Variants in IGFBP7 observed in about 807,000 individuals in gnomAD.
The protein encoded by IGFBP7 is insulin like growth factor binding protein 7.
IGFBP7 carries 31 observed loss-of-function variants against 29.4 expected under a neutral mutation model. The ratio of observed to expected loss-of-function variants is 1.05; its 90% CI spans 0.79 to 1.42. IGFBP7 has a LOEUF of 1.42. Ranked by LOEUF, IGFBP7 falls within the 40% of genes most tolerant of loss-of-function variation. The pLI, the probability that IGFBP7 is intolerant of heterozygous loss-of-function variation, is 0.00. For synonymous variants in IGFBP7, 172 were observed against 174.9 expected, an observed-to-expected ratio of 0.98 and a Z score of 0.13; for missense variants, 393 against 395.5, an observed-to-expected ratio of 0.99 and a Z score of 0.05.
intron 2 of IGFBP7, among the ~76,000 whole-genome samples, chr4:57,037,756 G>T: frequency 6.6e-6 from 1 of 152,134 alleles, no homozygotes; most frequent in Non-Finnish European, 1.5e-5. Context: ...GCCCCAGGAC[G>T]CTTGGGTGAC....
At chr4:57,096,486 C>T (rs1725767111) in intron 1 of IGFBP7, among the ~76,000 whole-genome samples, 1 of 151,982 alleles carries the variant, frequency 6.6e-6, no homozygotes. Flanking sequence ...AGGTCACATC[C>T]AAACCAATTA....
intron 1 of IGFBP7, among the ~76,000 whole-genome samples, chr4:57,098,132 G>A (rs1242644619): frequency 1.3e-5 from 2 of 152,168 alleles, no homozygotes; most frequent in Non-Finnish European, 2.9e-5. Context: ...GCCTTTCAGA[G>A]GTGGCATACC....
intron 1 of IGFBP7, 33 bp from the exon 2 acceptor site, chr4:57,040,966 T>C: frequency 7.3e-7 from 1 of 1,370,616 alleles, no homozygotes; most frequent in South Asian, 1.2e-5. Flanking sequence ...AAAGTCATCT[T>C]TTAAACAGTC....
chr4:57,089,999 A>G (rs1326173002), intron 1 of IGFBP7, among the ~76,000 whole-genome samples: 1 of 152,252 alleles, frequency 6.6e-6, no homozygotes, highest in Non-Finnish European at 1.5e-5. Flanking sequence ...GGTCCTTGAC[A>G]GCACTGCTGA....
At chr4:57,031,793 T>A (rs1723939046) in intron 4 of IGFBP7, among the ~76,000 whole-genome samples, 1 of 152,354 alleles carries the variant, frequency 6.6e-6, no homozygotes, top group East Asian at 1.9e-4. Context: ...TTACTTAATA[T>A]TTCTTTTCAT....
At chr4:57,036,366 C>T (rs2109738101) in intron 2 of IGFBP7, among the ~76,000 whole-genome samples, 1 of 152,242 alleles carries the variant, frequency 6.6e-6, no homozygotes, top group Non-Finnish European at 1.5e-5. Context: ...CTGCTTATTA[C>T]TATTACCTTA....
At chr4:57,055,707 G>A (rs1188286148) in intron 1 of IGFBP7, among the ~76,000 whole-genome samples, 2 of 152,028 alleles carry the variant, frequency 1.3e-5, no homozygotes, top group African/African-American at 4.8e-5. Context: ...CCTGCACCCT[G>A]TCCCTCTTCT....
At position 57,041,497 on chromosome 4, in the gene IGFBP7, G is replaced by A. The variant is rs373949012; in HGVS notation, c.476-564C>T. On this transcript the variant is annotated intron_variant, in intron 1 of 4. Transcript: ENST00000295666. ...AAGAAACATGTGGAGTGCTGTGTGC[G>A]TCAGGGGATTGGAAGGGACATCTTT... Among the ~76,000 whole-genome samples the A allele has an allele frequency of 1.4e-3, 218 of 152,230 alleles. 1 individual carries two copies. Among genetic ancestry groups the A allele is most frequent in the African/African-American group, 4.8e-3 (200 of 41,546 alleles).
At chr4:57,093,064 T>C (rs1335586106) in intron 1 of IGFBP7, among the ~76,000 whole-genome samples, 1 of 152,192 alleles carries the variant, frequency 6.6e-6, no homozygotes, top group East Asian at 1.9e-4. Context: ...TTGATTTCAA[T>C]GAATTCTACA....
At chr4:57,073,470 C>T (rs765491838) in intron 1 of IGFBP7, among the ~76,000 whole-genome samples, 34 of 151,878 alleles carry the variant, frequency 2.2e-4, no homozygotes, top group Non-Finnish European at 4.6e-4. Context: ...TGGTGTGTGC[C>T]TGTAGTTCCA....
Position 57,033,818 on chromosome 4 carries a change from C to T in IGFBP7, c.586-507G>A, listed in dbSNP as rs140450202. ...ATTAATCAAATGATTTACTGAACAC[C>T]TAAGATAAAAAACACCTATCAAAGG... On this transcript the variant is annotated intron_variant, in intron 2 of 4. Coordinates refer to ENST00000295666, the MANE Select transcript of IGFBP7 (RefSeq NM_001553.3). Among the ~76,000 whole-genome samples, 7 of 152,100 alleles carry T rather than the reference C, an allele frequency of 4.6e-5. No homozygotes were observed. The East Asian group carries it at 1.4e-3, about 29-fold the overall frequency.
At chr4:57,063,229 C>T (rs1724839677) in intron 1 of IGFBP7, among the ~76,000 whole-genome samples, 1 of 152,098 alleles carries the variant, frequency 6.6e-6, no homozygotes, top group African/African-American at 2.4e-5. Flanking sequence ...TTGACCTTTC[C>T]TCACCTCTCT....
At chr4:57,106,468 A>G (rs1726034332) in intron 1 of IGFBP7, among the ~76,000 whole-genome samples, 2 of 152,124 alleles carry the variant, frequency 1.3e-5, no homozygotes, top group Admixed American at 6.5e-5. Flanking sequence ...GCATAGAGAC[A>G]TATGTGCTGA....
chr4:57,085,362 T>C (rs1179893887), intron 1 of IGFBP7, among the ~76,000 whole-genome samples: 1 of 152,160 alleles, frequency 6.6e-6, no homozygotes, highest in African/African-American at 2.4e-5. Flanking sequence ...TGATCATTCC[T>C]CCTTTCTTTT....
chr4:57,057,493 T>TA (rs1479028201), intron 1 of IGFBP7, among the ~76,000 whole-genome samples: 3 of 152,182 alleles, frequency 2.0e-5, no homozygotes, highest in Non-Finnish European at 2.9e-5. Context: ...TAAATGAAAA[T>TA]AATTTCCTCA....
intron 1 of IGFBP7, among the ~76,000 whole-genome samples, chr4:57,098,790 G>A (rs768689726): frequency 2.0e-5 from 3 of 152,168 alleles, no homozygotes; most frequent in Admixed American, 6.5e-5. Flanking sequence ...TTCCTGAGGG[G>A]GGTCCTTTGG....
intron 1 of IGFBP7, among the ~76,000 whole-genome samples, chr4:57,058,546 T>C (rs1034715597): frequency 2.0e-5 from 3 of 152,186 alleles, no homozygotes; most frequent in African/African-American, 7.2e-5. Flanking sequence ...GCTAGCAATA[T>C]GCAGAAGATT....
At chr4:57,081,689 C>A (rs1473853051) in intron 1 of IGFBP7, among the ~76,000 whole-genome samples, 1 of 152,032 alleles carries the variant, frequency 6.6e-6, no homozygotes, top group Admixed American at 6.6e-5. Flanking sequence ...GGTGGCAGGG[C>A]TTCCGTTTTG....
chr4:57,108,700 C>T (rs1208860566), intron 1 of IGFBP7, among the ~76,000 whole-genome samples: 1 of 151,912 alleles, frequency 6.6e-6, no homozygotes, highest in Non-Finnish European at 1.5e-5. Flanking sequence ...CACCACCATG[C>T]CCAGCTAATG....
Sources: allele counts gnomAD v4.1 joint callset (sites outside exome capture counted in the v4.1 genomes callset), GRCh38; gene constraint gnomAD v4.1.1; transcripts MANE v1.5; gene names NCBI Gene and HGNC (gene_info 2026-07-23, HGNC 2026-07-21).